Variants in CSMD1 observed in about 807,000 individuals in gnomAD.
The protein encoded by CSMD1 is CUB and Sushi multiple domains 1.
A neutral mutation model predicts 417.5 loss-of-function variants in CSMD1; 213 were observed. The observed-to-expected ratio is 0.51, with a 90% CI of 0.46 to 0.57. The LOEUF (loss-of-function observed/expected upper bound fraction) is 0.57, where lower values mean the gene tolerates loss of function less well. Ranked by LOEUF, CSMD1 falls within the 20% of genes least tolerant of loss-of-function variation. The probability of loss-of-function intolerance (pLI) is 0.00; values close to 1 mark genes in which losing one functional copy is unlikely to be tolerated. For missense variants in CSMD1, 6,923 were observed against 4,529.7 expected (o/e 1.53, Z -15.17); for synonymous variants, 2,862 against 1,736.8 (o/e 1.65, Z -16.11).
At chr8:4,138,027 G>A (rs868102364) in intron 3 of CSMD1, among the ~76,000 whole-genome samples, 23 of 136,290 alleles carry the variant, frequency 1.7e-4, no homozygotes, top group African/African-American at 5.5e-4. Context: ...AGAGGCGCCC[G>A]CCACCATGCC....
intron 11 of CSMD1, among the ~76,000 whole-genome samples, chr8:3,486,067 C>T (rs961230024): frequency 6.6e-6 from 1 of 152,114 alleles, no homozygotes; most frequent in African/African-American, 2.4e-5. Flanking sequence ...ATATCTTTGT[C>T]ACAATTTTGT....
intron 10 of CSMD1, among the ~76,000 whole-genome samples, chr8:3,518,959 A>G (rs538903120): frequency 6.6e-6 from 1 of 152,248 alleles, no homozygotes; most frequent in African/African-American, 2.4e-5. Context: ...TCAACACAAC[A>G]ATGTTATGTA....
chr8:4,080,834 T>G (rs560744177), intron 3 of CSMD1, among the ~76,000 whole-genome samples: 1 of 152,158 alleles, frequency 6.6e-6, no homozygotes, highest in Admixed American at 6.6e-5. Context: ...TCAATAAAGG[T>G]ATTGCTATGG....
intron 11 of CSMD1, among the ~76,000 whole-genome samples, chr8:3,492,227 C>T (rs1276648611): frequency 6.6e-6 from 1 of 152,042 alleles, no homozygotes; most frequent in East Asian, 1.9e-4. Context: ...TGTTATTTCC[C>T]CAAGCAACCA....
intron 3 of CSMD1, among the ~76,000 whole-genome samples, chr8:4,280,579 G>A (rs1796726822): frequency 6.6e-6 from 1 of 152,120 alleles, no homozygotes; most frequent in South Asian, 2.1e-4. Context: ...CTGCAGCTAT[G>A]CTGGGAAAAA....
At chr8:3,170,718 G>A (rs953386768) in intron 37 of CSMD1, among the ~76,000 whole-genome samples, 1 of 152,140 alleles carries the variant, frequency 6.6e-6, no homozygotes, top group East Asian at 1.9e-4. Flanking sequence ...ATAAATATGT[G>A]AAGATCAAAA....
At chr8:3,962,000 G>C (rs1043073697) in intron 5 of CSMD1, among the ~76,000 whole-genome samples, 2 of 152,154 alleles carry the variant, frequency 1.3e-5, no homozygotes, top group African/African-American at 2.4e-5. Flanking sequence ...GTTGCACAAA[G>C]ACATGCGTGC....
chr8:3,975,712 G>A (rs114993057), intron 5 of CSMD1, among the ~76,000 whole-genome samples: 1 of 152,142 alleles, frequency 6.6e-6, no homozygotes, highest in East Asian at 1.9e-4. Context: ...GGTTGACAAC[G>A]ACTTCATTAC....
chr8:4,038,707 G>C (rs1797739672), intron 3 of CSMD1, among the ~76,000 whole-genome samples: 1 of 152,138 alleles, frequency 6.6e-6, no homozygotes, highest in South Asian at 2.1e-4. Flanking sequence ...CTTCAAGAAA[G>C]CAATACTTAT....
intron 5 of CSMD1, among the ~76,000 whole-genome samples, chr8:3,785,469 T>C (rs1205297031): frequency 1.3e-5 from 2 of 152,186 alleles, no homozygotes; most frequent in Non-Finnish European, 2.9e-5. Flanking sequence ...CATGCCCTCC[T>C]AAGGCTTGTA....
At chr8:4,336,978 G>A (rs952518194) in intron 3 of CSMD1, among the ~76,000 whole-genome samples, 2 of 152,070 alleles carry the variant, frequency 1.3e-5, no homozygotes, top group Non-Finnish European at 2.9e-5. Flanking sequence ...AGGATTTGCC[G>A]TGTTTTCTTC....
chr8:4,979,459 A>G (rs945694924), intron 1 of CSMD1, among the ~76,000 whole-genome samples: 1 of 152,190 alleles, frequency 6.6e-6, no homozygotes, highest in Non-Finnish European at 1.5e-5. Context: ...GATGCCGTCA[A>G]AGGTACCTTT....
At chr8:4,313,415 C>A (rs891837178) in intron 3 of CSMD1, among the ~76,000 whole-genome samples, 1 of 151,616 alleles carries the variant, frequency 6.6e-6, no homozygotes, top group East Asian at 2.0e-4. Context: ...TGTGAAGATG[C>A]CTGACGGGAC....
intron 1 of CSMD1, among the ~76,000 whole-genome samples, chr8:4,854,703 G>A (rs997739957): frequency 4.6e-5 from 7 of 152,164 alleles, no homozygotes; most frequent in South Asian, 2.1e-4. Flanking sequence ...GCCCTTTTCC[G>A]ACGGGCTTAA....
intron 1 of CSMD1, chr8:4,788,230 A>G: frequency 1.9e-6 from 3 of 1,590,022 alleles, no homozygotes; most frequent in Non-Finnish European, 2.6e-6. Context: ...AAAGGACCAG[A>G]TGAAACTCTG....
At position 3,796,365 on chromosome 8, in the gene CSMD1, ATATC is replaced by A. The variant is rs371408593; in HGVS notation, c.819-42327_819-42324del. 4.4e-5 allele frequency among the ~76,000 whole-genome samples: 3 copies of A among 68,052 alleles called. 1 individual carries two copies. Among genetic ancestry groups the A allele is most frequent in the African/African-American group, 1.7e-4 (3 of 17,270 alleles). 44.6% of individuals were successfully genotyped at this position (68,052 alleles called of 152,430 possible). A position where few individuals can be genotyped will look rare whatever the true frequency, so the allele number is the denominator to read the frequency against. The stretch of plus-strand genomic sequence containing the variant: ...ATATATCTATCATGTATAGATATAG[ATATC>A]TATCATGTATATATATATCTATCAT... On this transcript the variant is annotated intron_variant, in intron 5 of 69. Transcript: ENST00000635120.
At chr8:4,375,401 G>C (rs1423063888) in intron 3 of CSMD1, among the ~76,000 whole-genome samples, 1 of 152,100 alleles carries the variant, frequency 6.6e-6, no homozygotes, top group Non-Finnish European at 1.5e-5. Flanking sequence ...ATTATATTTT[G>C]GAATAATGAG....
chr8:4,049,654 A>T (rs1798320766), intron 3 of CSMD1, among the ~76,000 whole-genome samples: 1 of 152,120 alleles, frequency 6.6e-6, no homozygotes, highest in South Asian at 2.1e-4. Flanking sequence ...TATATTTACT[A>T]ATCGACAAGC....
intron 3 of CSMD1, among the ~76,000 whole-genome samples, chr8:4,298,465 G>C (rs899471795): frequency 6.6e-6 from 1 of 151,978 alleles, no homozygotes; most frequent in South Asian, 2.1e-4. Flanking sequence ...AAATTACTTA[G>C]TGAGTACAAT....
Sources: allele counts gnomAD v4.1 joint callset (sites outside exome capture counted in the v4.1 genomes callset), GRCh38; gene constraint gnomAD v4.1.1; transcripts MANE v1.5; gene names NCBI Gene and HGNC (gene_info 2026-07-23, HGNC 2026-07-21).